Variants in BFSP1 observed in about 807,000 individuals in gnomAD.
BFSP1 encodes the protein filensin.
BFSP1 carries 38 observed loss-of-function variants against 43.9 expected under a neutral mutation model. The ratio of observed to expected loss-of-function variants is 0.87; its 90% confidence interval spans 0.67 to 1.14. The LOEUF is 1.14. BFSP1 is among the 50% of genes most tolerant of loss of function. BFSP1 has a pLI of 0.00. For synonymous variants in BFSP1, 352 were observed against 354.8 expected (o/e 0.99, Z 0.09); for missense variants, 850 against 875.1 (o/e 0.97, Z 0.36).
At chr20:17,553,812 C>CATATATATATAT (rs1190143896) in intron 1 of BFSP1, among the ~76,000 whole-genome samples, 2 of 103,158 alleles carry the variant, frequency 1.9e-5, no homozygotes, top group Admixed American at 9.8e-5. Context: ...CACACACACA[C>CATATATATATAT]ACACACACAC....
rs1191481035 is a variant in BFSP1 at position 17,525,960 on chromosome 20, C to G, written c.378-1052G>C. On this transcript the variant is annotated intron_variant, in intron 1 of 7. Coordinates refer to ENST00000377873, the MANE Select transcript of BFSP1 (RefSeq NM_001195.5). This position sits in a 1 kb window ranked among gnomAD's most constrained non-coding sequence, Gnocchi z 4.2. ...CTCATTTTCCATCCCTCCCTCCATC[C>G]TGCAGCCAGAAACATGAATGCTGCC... Among the ~76,000 whole-genome samples the G allele has an allele frequency of 6.6e-6, 1 of 151,980 alleles. No homozygotes were observed.
chr20:17,522,691 C>T (rs1051424122), intron 2 of BFSP1, among the ~76,000 whole-genome samples: 2 of 152,220 alleles, frequency 1.3e-5, no homozygotes, highest in Non-Finnish European at 2.9e-5. Flanking sequence ...ATCAAGTGCT[C>T]TGTAGTAATA....
intron 1 of BFSP1, among the ~76,000 whole-genome samples, chr20:17,542,443 A>C (rs1307419038): frequency 6.6e-6 from 1 of 151,712 alleles, no homozygotes; most frequent in African/African-American, 2.4e-5. Context: ...AAAAAAAAAA[A>C]AAAAAATTCA....
At chr20:17,499,199 G>A (rs958179466) in intron 5 of BFSP1, among the ~76,000 whole-genome samples, 159 bp from the exon 6 acceptor site, 10 of 150,724 alleles carry the variant, frequency 6.6e-5, no homozygotes, top group East Asian at 1.9e-4. Flanking sequence ...GAATCCTTAA[G>A]CTAAAAAGCA....
upstream of BFSP1, chr20:17,531,457 C>A (rs1435113521): frequency 5.9e-6 from 7 of 1,190,310 alleles, 1 homozygote; most frequent in South Asian, 2.6e-4. Context: ...CAGAGCCGAT[C>A]AGCAGTTGGG....
rs1189853574 is a variant in BFSP1, at chr20:17,507,269, GTA to G, written c.735+1618_735+1619del. On this transcript the variant is annotated intron_variant, in intron 5 of 7. Coordinates refer to ENST00000377873, the MANE Select transcript of BFSP1 (RefSeq NM_001195.5). The surrounding 1 kb of genome is among the most constrained non-coding windows in gnomAD (Gnocchi z 4.4). ...ATTGCGAGCCATACACATCAGATAG[GTA>G]GGTGTGTGTGTGTGTGTGTGTGTGT... Among the ~76,000 whole-genome samples the G allele has an allele frequency of 1.8e-3, 249 of 137,696 alleles. 1 individual carries two copies. The highest frequency in any genetic ancestry group is 7.7e-3 in the African/African-American group (245 of 31,682). The allele number at this position is 137,696 out of a possible 152,430, so 90.3% of individuals were successfully genotyped here.
chr20:17,563,757 G>A (rs970787316), upstream of BFSP1, among the ~76,000 whole-genome samples: 1 of 151,884 alleles, frequency 6.6e-6, no homozygotes, highest in South Asian at 2.1e-4. Flanking sequence ...GCAGTGGTGT[G>A]CACCTGTGGT....
chr20:17,559,624 C>T (rs951894261), upstream of BFSP1, among the ~76,000 whole-genome samples: 1 of 152,130 alleles, frequency 6.6e-6, no homozygotes, highest in East Asian at 1.9e-4. Context: ...AGGAATGCGG[C>T]GAGTGAGCAT....
intron 1 of BFSP1, among the ~76,000 whole-genome samples, chr20:17,558,292 C>T (rs2035028775): frequency 1.3e-5 from 2 of 152,102 alleles, no homozygotes; most frequent in African/African-American, 4.8e-5. Flanking sequence ...TTTAAAATGG[C>T]TTCCTGACTG....
At chr20:17,499,900 A>G (rs528202635) in intron 5 of BFSP1, among the ~76,000 whole-genome samples, 10 of 152,330 alleles carry the variant, frequency 6.6e-5, no homozygotes, top group South Asian at 4.1e-4. Context: ...CAGCCTGGGC[A>G]ACAGAGCAAG....
chr20:17,503,376 G>T (rs2033850787), intron 5 of BFSP1, among the ~76,000 whole-genome samples: 1 of 152,078 alleles, frequency 6.6e-6, no homozygotes, highest in African/African-American at 2.4e-5. Flanking sequence ...AAGAGTAAAA[G>T]AAAAAATTAC....
At chr20:17,495,468 AGG>A (rs1299089262) in intron 7 of BFSP1, among the ~76,000 whole-genome samples, 1 of 152,166 alleles carries the variant, frequency 6.6e-6, no homozygotes, top group East Asian at 1.9e-4. Flanking sequence ...ACTTCCTCAA[AGG>A]AGAGACGACA....
intron 2 of BFSP1, among the ~76,000 whole-genome samples, chr20:17,520,210 G>GCCCCCCCCCCCCCCCCCC (rs138070825): frequency 2.3e-4 from 31 of 133,406 alleles, no homozygotes; most frequent in Non-Finnish European, 2.8e-4. Flanking sequence ...GTTTTAACGT[G>GCCCCCCCCCCCCCCCCCC]CCCCCCCACC....
In BFSP1 at chr20:17,531,108, G is replaced by C. The variant is rs749458907; in HGVS notation, c.222C>G (p.Ala74=). The change falls in exon 1 of 8, where the codon GCC becomes GCG. Residue 74 remains alanine, a synonymous_variant. Coordinates refer to ENST00000377873, the MANE Select transcript of BFSP1 (RefSeq NM_001195.5). ...RHAGLRRQLD[A]FQRLGELAGP... The stretch of plus-strand genomic sequence containing the variant: ...CGGCCAGCTCGCCCAGGCGCTGGAA[G>C]GCATCCAGCTGCCTCCGGAGCCCGG... 2 of 1,347,384 alleles carry C rather than the reference G, an allele frequency of 1.5e-6. No individual in the cohort carries two copies. The highest frequency in any genetic ancestry group is 3.7e-5 in the South Asian group (2 of 54,384). 83.5% of individuals were successfully genotyped at this position (1,347,384 alleles called of 1,614,324 possible).
intron 5 of BFSP1, among the ~76,000 whole-genome samples, chr20:17,504,600 G>C (rs914245420): frequency 6.6e-6 from 1 of 152,228 alleles, no homozygotes; most frequent in African/African-American, 2.4e-5. Flanking sequence ...GGGACTTCCA[G>C]AAAGGAGAGA....
chr20:17,502,150 C>T (rs566064744), intron 5 of BFSP1, among the ~76,000 whole-genome samples: 26 of 151,872 alleles, frequency 1.7e-4, no homozygotes, highest in Admixed American at 2.6e-4. Flanking sequence ...GATTTCATGC[C>T]CTGCCTTTTA....
intron 1 of BFSP1, among the ~76,000 whole-genome samples, chr20:17,567,875 AAAG>A (rs1279196647): frequency 6.6e-6 from 1 of 151,782 alleles, no homozygotes; most frequent in Non-Finnish European, 1.5e-5. Flanking sequence ...AAAAAAAAAA[AAAG>A]ATTTGAGAAG....
intron 5 of BFSP1, among the ~76,000 whole-genome samples, chr20:17,505,097 T>A (rs554978594): frequency 5.3e-5 from 8 of 152,336 alleles, no homozygotes; most frequent in African/African-American, 1.9e-4. Flanking sequence ...ACAGAAACTC[T>A]CAGTCCATGC....
intron 2 of BFSP1, among the ~76,000 whole-genome samples, chr20:17,522,986 T>C (rs2034348306): frequency 6.6e-6 from 1 of 152,234 alleles, no homozygotes; most frequent in Non-Finnish European, 1.5e-5. Context: ...GGGCCAGTCA[T>C]GCTAATTGCC....
Sources: allele counts gnomAD v4.1 joint callset (sites outside exome capture counted in the v4.1 genomes callset), GRCh38; gene constraint gnomAD v4.1.1; non-coding constraint Gnocchi (gnomAD v3.1); transcripts MANE v1.5; gene names NCBI Gene and HGNC (gene_info 2026-07-23, HGNC 2026-07-21).